Variants in SLC1A2 observed in about 807,000 individuals in gnomAD.
The protein encoded by SLC1A2 is excitatory amino acid transporter 2.
A neutral mutation model predicts 48.8 loss-of-function variants in SLC1A2; 15 were observed. That is an observed-to-expected ratio of 0.31 (90% CI 0.21 to 0.47). The LOEUF is 0.47. Ranked by LOEUF, SLC1A2 falls within the 20% of genes least tolerant of loss-of-function variation. The probability of loss-of-function intolerance (pLI) is 0.99; values close to 1 mark genes in which losing one functional copy is unlikely to be tolerated. For missense variants in SLC1A2, 502 were observed against 730.5 expected, an observed-to-expected ratio of 0.69 and a Z score of 3.61; for synonymous variants, 279 against 272.6, an observed-to-expected ratio of 1.02 and a Z score of -0.23.
chr11:35,252,358 T>G lies in SLC1A2; in HGVS notation c.*8536A>C, dbSNP rs1424914093. 6.6e-6 allele frequency: 1 copy of G among 152,184 alleles called. No homozygotes were observed. Among genetic ancestry groups the G allele is most frequent in the Non-Finnish European group, 1.5e-5 (1 of 68,028 alleles). 9.4% of individuals were successfully genotyped at this position (152,184 alleles called of 1,614,324 possible). On this transcript the variant is annotated 3_prime_UTR_variant, in exon 11 of 11. Transcript: ENST00000278379. The stretch of plus-strand genomic sequence containing the variant: ...TAATATGCACAGAGTCAGACTAACT[T>G]TTTGTTCCTCTGAGCCCAATCCACC...
At chr11:35,339,838 T>G (rs1445817888) in intron 1 of SLC1A2, among the ~76,000 whole-genome samples, 1 of 152,166 alleles carries the variant, frequency 6.6e-6, no homozygotes, top group Non-Finnish European at 1.5e-5. Flanking sequence ...AGAAAATGGG[T>G]ATCTCAAATG....
intron 1 of SLC1A2, among the ~76,000 whole-genome samples, chr11:35,321,592 G>C (rs1431735142): frequency 6.6e-6 from 1 of 152,100 alleles, no homozygotes; most frequent in East Asian, 1.9e-4. Flanking sequence ...AATAAGTCAT[G>C]CTGGGCCCTG....
chr11:35,319,705 C>T (rs1478354846), intron 1 of SLC1A2, among the ~76,000 whole-genome samples: 1 of 152,196 alleles, frequency 6.6e-6, no homozygotes, highest in Non-Finnish European at 1.5e-5. Context: ...ATGCCTGTGC[C>T]ACACATTTCT....
intron 1 of SLC1A2, chr11:35,374,579 A>G (rs1331308164): frequency 5.8e-6 from 1 of 172,202 alleles, no homozygotes; most frequent in Non-Finnish European, 1.2e-5. Context: ...CTGATGAGCT[A>G]AAAAGAAAAA....
chr11:35,420,260 G>T (rs981195079), upstream of SLC1A2, among the ~76,000 whole-genome samples: 5 of 150,600 alleles, frequency 3.3e-5, no homozygotes, highest in African/African-American at 7.3e-5. Flanking sequence ...GCTGCTCGCC[G>T]CCTGCTTCCG....
chr11:35,406,091 C>T (rs988656782), intron 1 of SLC1A2, among the ~76,000 whole-genome samples: 1 of 152,170 alleles, frequency 6.6e-6, no homozygotes, highest in African/African-American at 2.4e-5. Flanking sequence ...GACAAGAAAA[C>T]ACTTAGCACA....
intron 1 of SLC1A2, 68 bp from the exon 2 acceptor site, chr11:35,317,584 C>G: frequency 6.5e-7 from 1 of 1,538,132 alleles, no homozygotes; most frequent in South Asian, 1.2e-5. Context: ...AGGGGCTCGA[C>G]TAGTAGGAAC....
intron 5 of SLC1A2, among the ~76,000 whole-genome samples, chr11:35,303,128 C>T (rs1851401923): frequency 1.3e-5 from 2 of 151,868 alleles, no homozygotes. Context: ...AGTCTTAACC[C>T]ATACTCAGTA....
chr11:35,384,167 A>G (rs1012710638), intron 1 of SLC1A2, among the ~76,000 whole-genome samples: 4 of 152,360 alleles, frequency 2.6e-5, no homozygotes, highest in Admixed American at 2.0e-4. Context: ...CATGGAATCC[A>G]AGAACAAGAA....
rs142794185 is a variant in SLC1A2 at position 35,252,272 on chromosome 11, T to C, written c.*8622A>G. ...AAGGCTCCTCAGAACCTTTAAGTCA[T>C]GAGCATCATGATGAGTATTTGGCAA... On this transcript the variant is annotated 3_prime_UTR_variant, in exon 11 of 11. Transcript: ENST00000278379. 4 of 152,714 alleles carry C rather than the reference T, an allele frequency of 2.6e-5. No individual in the cohort carries two copies. Among genetic ancestry groups the C allele is most frequent in the African/African-American group, 9.6e-5 (4 of 41,564 alleles). 9.5% of individuals were successfully genotyped at this position (152,714 alleles called of 1,614,324 possible). A position where few individuals can be genotyped will look rare whatever the true frequency, so the allele number is the denominator to read the frequency against.
intron 9 of SLC1A2, among the ~76,000 whole-genome samples, chr11:35,276,254 G>A (rs186806673): frequency 6.6e-6 from 1 of 152,106 alleles, no homozygotes; most frequent in East Asian, 1.9e-4. Flanking sequence ...TAGATAGTAA[G>A]TGCAGAGCTC....
intron 1 of SLC1A2, among the ~76,000 whole-genome samples, chr11:35,373,765 A>G (rs182840295): frequency 6.6e-6 from 1 of 152,354 alleles, no homozygotes; most frequent in East Asian, 1.9e-4. Context: ...CACTGGGTCA[A>G]TGATTAACAC....
chr11:35,374,066 T>C (rs1854143344), intron 1 of SLC1A2, among the ~76,000 whole-genome samples: 1 of 152,220 alleles, frequency 6.6e-6, no homozygotes, highest in Non-Finnish European at 1.5e-5. Flanking sequence ...TTAGTAGATA[T>C]GTCATACATT....
chr11:35,294,413 C>T (rs1851107771), intron 6 of SLC1A2, among the ~76,000 whole-genome samples: 1 of 152,140 alleles, frequency 6.6e-6, no homozygotes. Flanking sequence ...TCATTAAACC[C>T]TTAGCTCTCC....
rs566274878 is a variant in SLC1A2, at chr11:35,398,491, C to A, written c.17+20459G>T. Among the ~76,000 whole-genome samples, 296 of 152,276 alleles carry A rather than the reference C, an allele frequency of 1.9e-3. 1 individual carries two copies. Among genetic ancestry groups the A allele is most frequent in the African/African-American group, 7.0e-3 (293 of 41,566 alleles). ...CATATGGACACAAAGAAGAGAACAA[C>A]AGACACTGGGGTCTACTTGAGGGTG... On this transcript the variant is annotated intron_variant, in intron 1 of 10. Transcript: ENST00000278379.
chr11:35,402,267 C>T (rs765474465), intron 1 of SLC1A2, among the ~76,000 whole-genome samples: 5 of 152,070 alleles, frequency 3.3e-5, no homozygotes, highest in Admixed American at 6.6e-5. Flanking sequence ...CCACCAAATT[C>T]CAGGGAGGGG....
rs1023634473 is a variant in SLC1A2, at chr11:35,258,831, T to G, written c.*2063A>C. On this transcript the variant is annotated 3_prime_UTR_variant, in exon 11 of 11. Coordinates refer to ENST00000278379, the MANE Select transcript of SLC1A2 (RefSeq NM_004171.4). ...GGCATGTGCCTGTAGTCCCAGCTACTCGGGAGGCTGAGACAGGAGAATCGC... is the reference window on the plus strand; with the variant it reads ...GGCATGTGCCTGTAGTCCCAGCTACGCGGGAGGCTGAGACAGGAGAATCGC... The G allele has an allele frequency of 2.0e-5, 3 of 151,786 alleles. No individual in the cohort carries two copies. The highest frequency in any genetic ancestry group is 4.4e-5 in the Non-Finnish European group (3 of 68,152). 9.4% of individuals were successfully genotyped at this position (151,786 alleles called of 1,614,324 possible). A position where few individuals can be genotyped will look rare whatever the true frequency, so the allele number is the denominator to read the frequency against.
intron 4 of SLC1A2, among the ~76,000 whole-genome samples, chr11:35,308,097 C>G (rs949895625): frequency 3.3e-5 from 5 of 152,148 alleles, no homozygotes; most frequent in African/African-American, 1.2e-4. Context: ...GCTAAAGAAG[C>G]CTACGTTTGG....
At chr11:35,273,231 G>A (rs865839596) in intron 9 of SLC1A2, among the ~76,000 whole-genome samples, 18 of 152,144 alleles carry the variant, frequency 1.2e-4, no homozygotes, top group Admixed American at 4.6e-4. Flanking sequence ...TGGAAGAGGG[G>A]TCACTTGAGG....
Sources: gnomAD v4.1 joint callset for allele counts (sites outside exome capture counted in the v4.1 genomes callset) on GRCh38, gnomAD v4.1.1 for gene constraint, MANE v1.5 for transcripts, NCBI Gene and HGNC (gene_info 2026-07-23, HGNC 2026-07-21) for gene names.